Variants in GJC3 observed in about 807,000 individuals in gnomAD.
GJC3 encodes the protein gap junction gamma-3 protein.
Under a neutral mutation model 19.8 loss-of-function variants are expected in GJC3, and 17 were observed. That is an observed-to-expected ratio of 0.86 (90% CI 0.59 to 1.29). The LOEUF (loss-of-function observed/expected upper bound fraction) is 1.29. Among genes scored for constraint, GJC3 ranks in the 50% most tolerant of loss-of-function variants. GJC3 has a pLI of 0.00. For missense variants in GJC3, 317 were observed against 332.5 expected, an observed-to-expected ratio of 0.95 and a Z score of 0.36; for synonymous variants, 140 against 136.5, an observed-to-expected ratio of 1.03 and a Z score of -0.18.
chr7:99,929,117 T>A lies in GJC3; in HGVS notation c.504A>T (p.Ala168=), dbSNP rs923827041. ...TACCAAGGCAAGGTTCTCGGCGACA[T>A]GCAAAGGAGCTGGGCATCTGGAACC... ...LYGFQMPSSF[A]CRREPCLGSI... The change falls in exon 1 of 2, where the codon GCA becomes GCT. Residue 168 remains alanine, a synonymous_variant. Transcript: ENST00000312891. 1.2e-6 allele frequency: 2 copies of A among 1,613,638 alleles called. No homozygotes were observed. Among genetic ancestry groups the A allele is most frequent in the African/African-American group, 1.3e-5 (1 of 74,838 alleles).
rs748522507 is a variant in GJC3, at chr7:99,928,935, G to A, written c.686C>T (p.Ser229Phe). Reference sequence around the variant, plus strand: ...GCTCTCTGAAGTTAGGAAGTATTTAGAAGAGGAAGATTTGTGCTTCCAGGT... The same window carrying A: ...GCTCTCTGAAGTTAGGAAGTATTTAAAAGAGGAAGATTTGTGCTTCCAGGT... ...WRTWKHKSSS[S>F]KYFLTSESTR... Residue 229 changes from serine (S) to phenylalanine (F), a missense_variant, in exon 1 of 2, where the codon TCT (serine) becomes TTT (phenylalanine). Ser to Phe is a radical substitution (Grantham distance 155, BLOSUM62 -2). Coordinates refer to ENST00000312891, the MANE Select transcript of GJC3 (RefSeq NM_181538.3). 6.2e-7 allele frequency: 1 copy of A among 1,614,174 alleles called. No homozygotes were observed. The highest frequency in any genetic ancestry group is 2.2e-5 in the East Asian group (1 of 44,890).
rs556772058 is a variant in GJC3 at position 99,923,297 on chromosome 7, G to A, written c.*248C>T. The A allele has an allele frequency of 1.3e-3, 685 of 542,586 alleles. 3 individuals are homozygous for A. Among genetic ancestry groups the A allele is most frequent in the Non-Finnish European group, 1.5e-3 (447 of 301,208 alleles). The allele number at this position is 542,586 out of a possible 1,614,324, so 33.6% of individuals were successfully genotyped here. A position where few individuals can be genotyped will look rare whatever the true frequency, so the allele number is the denominator to read the frequency against. ...TTCCCAGGGGGATTTTATTACTTGCGATAAGTAAGGAGGACACTGGGAATA... is the reference window on the plus strand; with the variant it reads ...TTCCCAGGGGGATTTTATTACTTGCAATAAGTAAGGAGGACACTGGGAATA... On this transcript the variant is annotated 3_prime_UTR_variant, in exon 2 of 2. Coordinates refer to ENST00000312891, the MANE Select transcript of GJC3 (RefSeq NM_181538.3).
At chr7:99,929,925 C>T (rs1819872745), upstream of GJC3, among the ~76,000 whole-genome samples, 1 of 152,214 alleles carries the variant, frequency 6.6e-6, no homozygotes, top group Non-Finnish European at 1.5e-5. Context: ...CTTCATCTCT[C>T]TCTTTCCCTC....
intron 1 of GJC3, among the ~76,000 whole-genome samples, chr7:99,924,727 A>G (rs1819757363): frequency 6.6e-6 from 1 of 152,172 alleles, no homozygotes; most frequent in Admixed American, 6.5e-5. Flanking sequence ...TTTGGGTATA[A>G]TCCAATACTA....
intron 1 of GJC3, among the ~76,000 whole-genome samples, chr7:99,923,908 C>A: frequency 6.6e-6 from 1 of 152,144 alleles, no homozygotes; most frequent in East Asian, 1.9e-4. Flanking sequence ...GTCCAGGATA[C>A]AATCGATATT....
At chr7:99,926,093 G>A (rs116441192) in intron 1 of GJC3, among the ~76,000 whole-genome samples, 9,818 of 152,224 alleles carry the variant, frequency 0.064, 344 homozygotes, top group Middle Eastern at 0.071. Context: ...CAGCACTTTG[G>A]GAAGCTGAGG....
chr7:99,930,331 A>C (rs991681698), upstream of GJC3, among the ~76,000 whole-genome samples: 1 of 152,196 alleles, frequency 6.6e-6, no homozygotes. Flanking sequence ...ACCCAGCAGA[A>C]TTTACCAGAA....
chr7:99,923,490 T>C lies in GJC3; in HGVS notation c.*55A>G, dbSNP rs1819722571. On this transcript the variant is annotated 3_prime_UTR_variant, in exon 2 of 2. Transcript: ENST00000312891. ...AGAAAATGGTGAATAAGCTCCTCCT[T>C]GGACAGGATTTTAAGTATGGTGATG... is the stretch of plus-strand genomic sequence containing the variant. 1.3e-6 allele frequency: 1 copy of C among 779,326 alleles called. No homozygotes were observed. The highest frequency in any genetic ancestry group is 2.4e-6 in the Non-Finnish European group (1 of 418,092). 48.3% of individuals were successfully genotyped at this position (779,326 alleles called of 1,614,324 possible). A position where few individuals can be genotyped will look rare whatever the true frequency, so the allele number is the denominator to read the frequency against.
rs754890102 is a variant in GJC3, at chr7:99,928,880, G to A, written c.741C>T (p.Ser247=). 6.2e-6 allele frequency: 10 copies of A among 1,614,002 alleles called. No individual in the cohort carries two copies. Among genetic ancestry groups the A allele is most frequent in the Non-Finnish European group, 8.5e-6 (10 of 1,180,006 alleles). Reference sequence around the variant, plus strand: ...GCTCTTTGGTTTCCACCACTGGGAGGCTATCGGTTGCTTTCTTGTGTCTTC... The same window carrying A: ...GCTCTTTGGTTTCCACCACTGGGAGACTATCGGTTGCTTTCTTGTGTCTTC... ...STRRHKKATD[S]LPVVETKEQF... Residue 247 remains serine (S), a synonymous_variant, in exon 1 of 2, where the codon AGC becomes AGT. Transcript: ENST00000312891.
intron 1 of GJC3, among the ~76,000 whole-genome samples, chr7:99,927,470 T>C (rs1377363028): frequency 1.3e-5 from 2 of 152,032 alleles, no homozygotes; most frequent in Admixed American, 1.3e-4. Context: ...AGCACTTGTG[T>C]AGCAGGAAGA....
intron 1 of GJC3, among the ~76,000 whole-genome samples, chr7:99,927,306 T>G (rs1819822739): frequency 6.6e-6 from 1 of 152,212 alleles, no homozygotes; most frequent in Admixed American, 6.5e-5. Flanking sequence ...CTGCCTCACT[T>G]TAAGTGGATA....
intron 1 of GJC3, 114 bp downstream of exon 1, chr7:99,928,726 A>T: frequency 2.1e-6 from 2 of 958,842 alleles, no homozygotes; most frequent in Non-Finnish European, 3.4e-6. Context: ...GAACCTGGTT[A>T]CCTACTTTGT....
At chr7:99,926,309 G>A (rs983138976) in intron 1 of GJC3, among the ~76,000 whole-genome samples, 2 of 151,424 alleles carry the variant, frequency 1.3e-5, no homozygotes, top group Non-Finnish European at 1.5e-5. Flanking sequence ...ACTCCAGTCT[G>A]GGTGACAGAG....
At chr7:99,930,494 C>T (rs1193146982), upstream of GJC3, among the ~76,000 whole-genome samples, 3 of 152,144 alleles carry the variant, frequency 2.0e-5, no homozygotes, top group African/African-American at 7.2e-5. Flanking sequence ...TCCCTCTGTT[C>T]CCCAGCCAAA....
At chr7:99,926,004 T>C (rs981631261) in intron 1 of GJC3, among the ~76,000 whole-genome samples, 2 of 152,224 alleles carry the variant, frequency 1.3e-5, no homozygotes, top group African/African-American at 4.8e-5. Flanking sequence ...TTCCTGGTTA[T>C]TTATGCAAGA....
Position 99,929,452 on chromosome 7 carries a change from G to A in GJC3, c.169C>T (p.Gln57Ter). The A allele has an allele frequency of 6.2e-7, 1 of 1,613,696 alleles. No homozygotes were observed. Among genetic ancestry groups the A allele is most frequent in the East Asian group, 2.2e-5 (1 of 44,884 alleles). ...EQSEFVCHTQQPGCKAACFDA... is the reference protein window; with the variant it reads ...EQSEFVCHTQ Reference sequence around the variant, plus strand: ...AAGCAGGCAGCCTTGCAGCCCGGCTGCTGGGTGTGACACACGAATTCACTC... The same window carrying A: ...AAGCAGGCAGCCTTGCAGCCCGGCTACTGGGTGTGACACACGAATTCACTC... The change falls in exon 1 of 2, where the codon CAG becomes TAG. Residue 57 changes from glutamine to a stop codon, truncating the protein, a stop_gained. Coordinates refer to ENST00000312891, the MANE Select transcript of GJC3 (RefSeq NM_181538.3). LOFTEE classifies it high-confidence loss of function.
At position 99,928,940 on chromosome 7, in the gene GJC3, G is replaced by A. The variant is rs769486892; in HGVS notation, c.681C>T (p.Ser227=). Residue 227 remains serine (S), a synonymous_variant, in exon 1 of 2, where the codon TCC becomes TCT. Transcript: ENST00000312891. ...CTGAAGTTAGGAAGTATTTAGAAGA[G>A]GAAGATTTGTGCTTCCAGGTCCTCC... ...RWWRTWKHKS[S]SSKYFLTSES... The A allele has an allele frequency of 1.9e-6, 3 of 1,614,138 alleles. No individual in the cohort carries two copies. Among genetic ancestry groups the A allele is most frequent in the Admixed American group, 3.3e-5 (2 of 60,012 alleles).
chr7:99,927,420 T>C (rs769129466), intron 1 of GJC3, among the ~76,000 whole-genome samples: 4 of 152,194 alleles, frequency 2.6e-5, no homozygotes, highest in Non-Finnish European at 5.9e-5. Flanking sequence ...TTGGTCACTT[T>C]GGCTGGGCTC....
chr7:99,925,666 A>G (rs948150226), intron 1 of GJC3, among the ~76,000 whole-genome samples: 11 of 152,352 alleles, frequency 7.2e-5, no homozygotes, highest in African/African-American at 1.7e-4. Context: ...ATATATAAAG[A>G]GCTCTTACAA....
Sources: gnomAD v4.1 joint callset for allele counts (sites outside exome capture counted in the v4.1 genomes callset) on GRCh38, gnomAD v4.1.1 for gene constraint, MANE v1.5 for transcripts, NCBI Gene and HGNC (gene_info 2026-07-23, HGNC 2026-07-21) for gene names.